Variants in PCSK5 observed in about 807,000 individuals in gnomAD.
PCSK5 encodes proprotein convertase subtilisin/kexin type 5.
Under a neutral mutation model 233.2 loss-of-function variants are expected in PCSK5, and 129 were observed. The observed-to-expected ratio is 0.55, with a 90% CI of 0.48 to 0.64. The LOEUF is 0.64. Among genes scored for constraint, PCSK5 ranks in the 30% least tolerant of loss-of-function variants. PCSK5 has a pLI of 0.00. For synonymous variants in PCSK5, 825 were observed against 879.2 expected, an observed-to-expected ratio of 0.94 and a Z score of 1.09; for missense variants, 2,076 against 2,430.1, an observed-to-expected ratio of 0.85 and a Z score of 3.06.
At chr9:75,935,407 A>G (rs1253667861) in intron 2 of PCSK5, among the ~76,000 whole-genome samples, 1 of 152,200 alleles carries the variant, frequency 6.6e-6, no homozygotes. Flanking sequence ...GCATATATAT[A>G]CATTTTCTGA....
At chr9:76,352,834 TG>T (rs1390886418) in intron 36 of PCSK5, among the ~76,000 whole-genome samples, 1 of 151,596 alleles carries the variant, frequency 6.6e-6, no homozygotes, top group Non-Finnish European at 1.5e-5. Flanking sequence ...TTAAACAATT[TG>T]TTAAAGATTA....
At chr9:76,221,747 A>T (rs575326435) in intron 20 of PCSK5, among the ~76,000 whole-genome samples, 1 of 152,338 alleles carries the variant, frequency 6.6e-6, no homozygotes, top group South Asian at 2.1e-4. Context: ...AGGCTGAAGG[A>T]AACTAAATAT....
intron 20 of PCSK5, among the ~76,000 whole-genome samples, chr9:76,190,422 A>G (rs1241253182): frequency 6.6e-6 from 1 of 151,558 alleles, no homozygotes; most frequent in Non-Finnish European, 1.5e-5. Flanking sequence ...TTTCTAGCTA[A>G]TTATTGTTGT....
intron 9 of PCSK5, among the ~76,000 whole-genome samples, chr9:76,126,177 G>A (rs948847245): frequency 7.3e-6 from 1 of 137,284 alleles, no homozygotes; most frequent in African/African-American, 3.3e-5. Flanking sequence ...CTGCGTGTGT[G>A]TGTATGTGTG....
At chr9:76,089,912 G>A (rs1399840085) in intron 7 of PCSK5, among the ~76,000 whole-genome samples, 2 of 152,074 alleles carry the variant, frequency 1.3e-5, no homozygotes, top group South Asian at 2.1e-4. Flanking sequence ...TGCTGATAGG[G>A]TAATACAAAT....
rs1297919566 is a variant in PCSK5 at position 76,157,077 on chromosome 9, G to A, written c.1345G>A (p.Ala449Thr). 3 of 1,613,654 alleles carry A rather than the reference G, an allele frequency of 1.9e-6. No homozygotes were observed. The highest frequency in any genetic ancestry group is 2.5e-6 in the Non-Finnish European group (3 of 1,179,804). Residue 449 changes from alanine (A) to threonine (T), a missense_variant, in exon 11 of 38, where the codon GCA becomes ACA. By Grantham distance (58) the Ala-to-Thr change is moderately conservative (BLOSUM62 0). This residue lies in a region of PCSK5 where 178 missense variants were observed against 393.6 expected (regional missense o/e 0.45). Coordinates refer to ENST00000674117, the MANE Select transcript of PCSK5 (RefSeq NM_001372043.1). ...SHLYGFGLMD[A>T]EAMVMEAEKW... Reference sequence around the variant, plus strand: ...TCTTTATGGATTTGGACTGATGGACGCAGAAGCCATGGTGATGGAGGCAGA... The same window carrying A: ...TCTTTATGGATTTGGACTGATGGACACAGAAGCCATGGTGATGGAGGCAGA...
At chr9:76,179,538 A>G (rs764604082) in intron 14 of PCSK5, 58 bp from the exon 15 acceptor site, 1 of 1,255,624 alleles carries the variant, frequency 8.0e-7, no homozygotes, top group Non-Finnish European at 1.2e-6. Flanking sequence ...AATTCAAGGT[A>G]AAGCTGACCT....
At chr9:75,903,556 G>A (rs1826133342) in intron 1 of PCSK5, among the ~76,000 whole-genome samples, 1 of 79,528 alleles carries the variant, frequency 1.3e-5, no homozygotes, top group Non-Finnish European at 2.4e-5. Context: ...GTGCATGTGT[G>A]TATATATGTG....
intron 10 of PCSK5, among the ~76,000 whole-genome samples, chr9:76,141,256 C>T (rs1353190934): frequency 1.3e-5 from 2 of 150,746 alleles, no homozygotes; most frequent in African/African-American, 4.9e-5. Context: ...TAGCAAAGTA[C>T]ACACACACAC....
In PCSK5 at chr9:76,213,580, G is replaced by A. The variant is rs375496636; in HGVS notation, c.2627-13923G>A. 6.6e-5 allele frequency among the ~76,000 whole-genome samples: 10 copies of A among 152,100 alleles called. 1 individual carries two copies. Among genetic ancestry groups the A allele is most frequent in the Admixed American group, 3.9e-4 (6 of 15,276 alleles). ...CCATCTCCTGGTTGATTTTCTGGAC[G>A]CTGTCTTTCAATTCATTTAGTCTCC... On this transcript the variant is annotated intron_variant, in intron 20 of 37. Coordinates refer to ENST00000674117, the MANE Select transcript of PCSK5 (RefSeq NM_001372043.1).
intron 5 of PCSK5, among the ~76,000 whole-genome samples, chr9:76,038,960 TTAG>T (rs1360645122): frequency 2.8e-4 from 42 of 152,314 alleles, no homozygotes; most frequent in African/African-American, 9.9e-4. Flanking sequence ...TGGCATTGTT[TTAG>T]TAGAACCACA....
chr9:76,291,569 T>C (rs1178717620), intron 24 of PCSK5, among the ~76,000 whole-genome samples: 3 of 152,098 alleles, frequency 2.0e-5, no homozygotes, highest in Non-Finnish European at 2.9e-5. Context: ...CTGGGAAGTG[T>C]TAGGAGGGAG....
At chr9:76,164,122 C>G (rs1180767979) in intron 12 of PCSK5, among the ~76,000 whole-genome samples, 2 of 152,158 alleles carry the variant, frequency 1.3e-5, no homozygotes, top group Non-Finnish European at 1.5e-5. Context: ...TCATTTCTGT[C>G]ACTTCCCTAC....
intron 20 of PCSK5, chr9:76,194,223 A>C (rs917530209): frequency 6.6e-6 from 1 of 152,342 alleles, no homozygotes; most frequent in Non-Finnish European, 1.5e-5. Context: ...TCTTGGTGCT[A>C]TCTAGCCATT....
At chr9:76,164,701 A>G (rs542316585) in intron 12 of PCSK5, among the ~76,000 whole-genome samples, 14 of 152,186 alleles carry the variant, frequency 9.2e-5, no homozygotes, top group Non-Finnish European at 1.5e-4. Flanking sequence ...CAGCTTTTTC[A>G]TACACATTCT....
intron 2 of PCSK5, among the ~76,000 whole-genome samples, chr9:75,981,804 C>T: frequency 6.6e-6 from 1 of 152,312 alleles, no homozygotes; most frequent in East Asian, 1.9e-4. Context: ...CATAAACCAT[C>T]CTCCTGCCTT....
chr9:76,200,092 C>T (rs1206215442), intron 20 of PCSK5, among the ~76,000 whole-genome samples: 2 of 150,246 alleles, frequency 1.3e-5, no homozygotes, highest in Non-Finnish European at 2.9e-5. Flanking sequence ...AGACTTCTCC[C>T]TCTCCTCTCC....
intron 2 of PCSK5, among the ~76,000 whole-genome samples, chr9:75,977,929 G>T (rs1416796149): frequency 6.6e-6 from 1 of 151,888 alleles, no homozygotes; most frequent in Non-Finnish European, 1.5e-5. Flanking sequence ...GTTTCAAGTG[G>T]GTGTCAAACA....
chr9:76,129,406 CTT>C (rs927701071), intron 9 of PCSK5, among the ~76,000 whole-genome samples: 24 of 152,132 alleles, frequency 1.6e-4, no homozygotes, highest in Non-Finnish European at 3.2e-4. Context: ...CAGAATTACT[CTT>C]TTATTTTAGG....
Sources: gnomAD v4.1 joint callset for allele counts (sites outside exome capture counted in the v4.1 genomes callset) on GRCh38, gnomAD v4.1.1 for gene constraint, gnomAD v4.1.1 regional missense constraint, MANE v1.5 for transcripts, NCBI Gene and HGNC (gene_info 2026-07-23, HGNC 2026-07-21) for gene names.